RABGAP1L: variants seen among roughly 807,000 people sequenced by gnomAD.
The protein encoded by RABGAP1L is rab GTPase-activating protein 1-like.
In RABGAP1L, 63 loss-of-function variants were observed where a neutral mutation model predicts 137.7. That is an observed-to-expected ratio of 0.46 (90% CI 0.37 to 0.56). The LOEUF (loss-of-function observed/expected upper bound fraction) is 0.56, where lower values mean the gene tolerates loss of function less well. Ranked by LOEUF, RABGAP1L falls within the 20% of genes least tolerant of loss-of-function variation. The pLI is 0.00. For synonymous variants in RABGAP1L, 431 were observed against 433.7 expected (o/e 0.99, Z 0.08); for missense variants, 1,095 against 1,244.0 (o/e 0.88, Z 1.80).
rs1180123370 is a variant in RABGAP1L at position 174,392,229 on chromosome 1, C to A, written c.1560-1766C>A. Among the ~76,000 whole-genome samples, 4 of 152,240 alleles carry A rather than the reference C, an allele frequency of 2.6e-5. No individual in the cohort carries two copies. In the South Asian group the frequency reaches 8.3e-4, roughly 32 times the overall value. ...AAATCATTATAAATATTTCAGACAG[C>A]ATAGGAAAATAAAAGGGCTACTTTC... On this transcript the variant is annotated intron_variant, in intron 12 of 25. Transcript: ENST00000681986.
intron 19 of RABGAP1L, among the ~76,000 whole-genome samples, chr1:174,834,825 A>G (rs1692566957): frequency 6.6e-6 from 1 of 152,218 alleles, no homozygotes; most frequent in Middle Eastern, 3.2e-3. Flanking sequence ...CTTTTTCAAA[A>G]AAGTAAAAGG....
chr1:174,952,339 C>CAAAAAAAAA (rs59406597), intron 19 of RABGAP1L, among the ~76,000 whole-genome samples: 1 of 31,720 alleles, frequency 3.2e-5, no homozygotes, highest in African/African-American at 1.5e-4. Context: ...CTGGCTCTAC[C>CAAAAAAAAA]AAAAAAAAAA....
chr1:174,691,197 T>G (rs1378991204), intron 15 of RABGAP1L, among the ~76,000 whole-genome samples: 3 of 152,164 alleles, frequency 2.0e-5, no homozygotes, highest in Non-Finnish European at 2.9e-5. Flanking sequence ...GAAAGGTAGA[T>G]CATTCCAAAA....
intron 13 of RABGAP1L, among the ~76,000 whole-genome samples, chr1:174,455,164 A>C (rs1655905165): frequency 1.3e-5 from 2 of 152,188 alleles, no homozygotes; most frequent in Non-Finnish European, 2.9e-5. Flanking sequence ...ATGGAGCCAA[A>C]TTAGTTTTTG....
chr1:174,982,924 C>A lies in RABGAP1L; in HGVS notation c.2805+19C>A. ...GGTAAAGGTAAGGAGTGAAATCGTG[C>A]TGTGATAAAATTTATTTCAAAGTCA... is the stretch of plus-strand genomic sequence containing the variant. On this transcript the variant is annotated intron_variant, in intron 24 of 25. Transcript: ENST00000681986. 6.5e-7 allele frequency: 1 copy of A among 1,549,748 alleles called. No homozygotes were observed. The highest frequency in any genetic ancestry group is 2.4e-5 in the East Asian group (1 of 40,892).
chr1:174,986,582 CTCTA>C (rs1671610154), intron 24 of RABGAP1L, among the ~76,000 whole-genome samples: 1 of 152,216 alleles, frequency 6.6e-6, no homozygotes, highest in Non-Finnish European at 1.5e-5. Flanking sequence ...AAACTTATTG[CTCTA>C]TCTTTGACAT....
intron 10 of RABGAP1L, 72 bp downstream of exon 10, chr1:174,278,851 G>A: frequency 8.2e-7 from 1 of 1,213,868 alleles, no homozygotes; most frequent in South Asian, 2.3e-5. Flanking sequence ...TTAATGCCAA[G>A]ATAATTCCTG....
At position 174,466,137 on chromosome 1, in the gene RABGAP1L, C is replaced by T. The variant is rs1391216602; in HGVS notation, c.1710+71992C>T. Among the ~76,000 whole-genome samples, 4 of 152,184 alleles carry T rather than the reference C, an allele frequency of 2.6e-5. No individual in the cohort carries two copies. In the East Asian group the frequency reaches 7.7e-4, roughly 29 times the overall value. ...AGTGAACTTATTTAGGTCTAGATCT[C>T]ACCTGTTTGGAACTTGGAAAATCAG... On this transcript the variant is annotated intron_variant, in intron 13 of 25. Transcript: ENST00000681986.
intron 19 of RABGAP1L, among the ~76,000 whole-genome samples, chr1:174,905,925 A>G (rs1476238450): frequency 6.6e-6 from 1 of 152,186 alleles, no homozygotes; most frequent in African/African-American, 2.4e-5. Flanking sequence ...GAATAAAGAT[A>G]GCCTACAATA....
chr1:174,262,669 AC>A (rs1171876440), intron 7 of RABGAP1L, among the ~76,000 whole-genome samples: 14 of 152,186 alleles, frequency 9.2e-5, no homozygotes, highest in Non-Finnish European at 1.9e-4. Flanking sequence ...TATAATATAA[AC>A]ATTTAATTTA....
chr1:174,313,475 C>T (rs1430796956), intron 11 of RABGAP1L, among the ~76,000 whole-genome samples: 1 of 152,166 alleles, frequency 6.6e-6, no homozygotes, highest in Non-Finnish European at 1.5e-5. Flanking sequence ...TGTCTCATTG[C>T]TCTAGCTAGG....
At chr1:174,315,415 A>T (rs779410312) in intron 11 of RABGAP1L, among the ~76,000 whole-genome samples, 2 of 152,134 alleles carry the variant, frequency 1.3e-5, no homozygotes, top group Non-Finnish European at 2.9e-5. Flanking sequence ...CTTGTAGGCA[A>T]CAGATCAATG....
At chr1:174,460,868 A>G (rs1487145247) in intron 13 of RABGAP1L, among the ~76,000 whole-genome samples, 2 of 151,974 alleles carry the variant, frequency 1.3e-5, no homozygotes, top group Admixed American at 6.6e-5. Context: ...AGGTAGGCAG[A>G]TGGATGGATG....
At chr1:174,289,095 T>C (rs1315665079) in intron 10 of RABGAP1L, among the ~76,000 whole-genome samples, 2 of 152,158 alleles carry the variant, frequency 1.3e-5, no homozygotes, top group Non-Finnish European at 2.9e-5. Context: ...TGGAATGCAG[T>C]GGCACAATCA....
intron 19 of RABGAP1L, among the ~76,000 whole-genome samples, chr1:174,826,085 C>T (rs1691537541): frequency 6.6e-6 from 1 of 152,052 alleles, no homozygotes; most frequent in Non-Finnish European, 1.5e-5. Flanking sequence ...CTGTTGTTCC[C>T]ATCTCTATGT....
intron 18 of RABGAP1L, 79 bp from the exon 19 acceptor site, chr1:174,811,753 A>G: frequency 7.5e-7 from 1 of 1,331,792 alleles, no homozygotes; most frequent in Non-Finnish European, 9.9e-7. Flanking sequence ...TATTCAAGAA[A>G]ATATAAATTC....
At chr1:174,715,572 G>A (rs1680929723) in intron 17 of RABGAP1L, among the ~76,000 whole-genome samples, 1 of 152,120 alleles carries the variant, frequency 6.6e-6, no homozygotes, top group African/African-American at 2.4e-5. Context: ...CAAACAGACT[G>A]CAGCCCTTCA....
intron 18 of RABGAP1L, among the ~76,000 whole-genome samples, chr1:174,807,978 CTTT>C (rs144433289): frequency 1.1e-4 from 10 of 94,572 alleles, no homozygotes; most frequent in Admixed American, 1.1e-4. Context: ...ACAACAAATT[CTTT>C]TTTTTTTTTT....
chr1:174,396,399 T>C (rs903929675), intron 13 of RABGAP1L, among the ~76,000 whole-genome samples: 1 of 152,094 alleles, frequency 6.6e-6, no homozygotes. Flanking sequence ...ATAGCATTTT[T>C]AATTATCTTT....
Sources: gnomAD v4.1 joint callset for allele counts (sites outside exome capture counted in the v4.1 genomes callset) on GRCh38, gnomAD v4.1.1 for gene constraint, MANE v1.5 for transcripts, NCBI Gene and HGNC (gene_info 2026-07-23, HGNC 2026-07-21) for gene names.